Variants in DOCK10 observed in about 807,000 individuals in gnomAD.
DOCK10 encodes dedicator of cytokinesis 10, also known as dedicator of cytokinesis protein 10.
A neutral mutation model predicts 280.1 loss-of-function variants in DOCK10; 145 were observed. The observed-to-expected ratio is 0.52, with a 90% confidence interval of 0.45 to 0.59. The LOEUF (loss-of-function observed/expected upper bound fraction) is 0.59, where lower values mean the gene tolerates loss of function less well. DOCK10 is among the 20% of genes least tolerant of loss of function. DOCK10 has a pLI of 0.00. For missense variants in DOCK10, 2,368 were observed against 2,651.7 expected (o/e 0.89, Z 2.35); for synonymous variants, 915 against 942.2 (o/e 0.97, Z 0.53).
chr2:225,027,209 G>A (rs1689943298), intron 1 of DOCK10, among the ~76,000 whole-genome samples: 3 of 152,092 alleles, frequency 2.0e-5, no homozygotes, highest in Admixed American at 2.0e-4. Context: ...CACAGACCTC[G>A]CCTGCACACC....
chr2:224,797,829 T>C lies in DOCK10; in HGVS notation c.4644+3A>G, dbSNP rs879496694. On this transcript the variant is annotated splice_donor_region_variant and intron_variant, in intron 42 of 55. Coordinates refer to ENST00000258390, the MANE Select transcript of DOCK10 (RefSeq NM_014689.3). The stretch of plus-strand genomic sequence containing the variant: ...AACTTCATTGAAACCTGGAGATCCT[T>C]ACCTTGCATACAAACAGTCTCAAGG... 1.9e-6 allele frequency: 3 copies of C among 1,612,606 alleles called. No individual in the cohort carries two copies. The highest frequency in any genetic ancestry group is 2.5e-6 in the Non-Finnish European group (3 of 1,179,184).
In DOCK10 at chr2:224,971,632, T is replaced by C. The variant is rs188054567; in HGVS notation, c.124-39964A>G. Among the ~76,000 whole-genome samples, 6 of 152,322 alleles carry C rather than the reference T, an allele frequency of 3.9e-5. No homozygotes were observed. The South Asian group carries it at 1.2e-3, about 32-fold the overall frequency. ...GTGACAAAGAAACTAAATCTTTAATTTTACTTAATTTTATTTAACTTTGAT... is the reference window on the plus strand; with the variant it reads ...GTGACAAAGAAACTAAATCTTTAATCTTACTTAATTTTATTTAACTTTGAT... On this transcript the variant is annotated intron_variant, in intron 1 of 55. Coordinates refer to ENST00000258390, the MANE Select transcript of DOCK10 (RefSeq NM_014689.3).
intron 50 of DOCK10, among the ~76,000 whole-genome samples, chr2:224,780,986 A>G (rs899308299): frequency 3.9e-5 from 6 of 152,102 alleles, no homozygotes; most frequent in African/African-American, 1.4e-4. Flanking sequence ...GGGAAAATTC[A>G]GACTCAGCAA....
At chr2:224,991,133 G>A (rs1008691010) in intron 1 of DOCK10, among the ~76,000 whole-genome samples, 1 of 152,186 alleles carries the variant, frequency 6.6e-6, no homozygotes, top group Admixed American at 6.5e-5. Flanking sequence ...TTCTTCAAGG[G>A]GTTGTGGTGG....
At chr2:224,799,056 T>G (rs1193175627) in intron 41 of DOCK10, among the ~76,000 whole-genome samples, 3 of 152,198 alleles carry the variant, frequency 2.0e-5, no homozygotes, top group Non-Finnish European at 4.4e-5. Context: ...TATGTATAAT[T>G]TAATAAGTTT....
At chr2:224,921,112 A>AATATATATATATATATATATATATATAT (rs1201609470) in intron 2 of DOCK10, among the ~76,000 whole-genome samples, 3 of 54,376 alleles carry the variant, frequency 5.5e-5, no homozygotes, top group Middle Eastern at 9.6e-3. Context: ...AAAAAAAAAA[A>AATATATATATATATATATATATATATAT]ATATATATAT....
chr2:225,040,507 G>A (rs1690389004), intron 1 of DOCK10, among the ~76,000 whole-genome samples: 1 of 112,878 alleles, frequency 8.9e-6, no homozygotes, highest in Admixed American at 9.1e-5. Context: ...TTTGGAGAAA[G>A]CAGTGCGTGT....
At chr2:224,931,776 A>G in intron 1 of DOCK10, 108 bp from the exon 2 acceptor site, 2 of 1,205,180 alleles carry the variant, frequency 1.7e-6, no homozygotes, top group African/African-American at 1.5e-5. Context: ...AACACTGCAC[A>G]ATCCTTCCAA....
intron 1 of DOCK10, among the ~76,000 whole-genome samples, chr2:224,953,303 T>A (rs1269439677): frequency 6.6e-6 from 1 of 152,262 alleles, no homozygotes. Flanking sequence ...TTTTATTTTT[T>A]TCTCTTCCAT....
intron 1 of DOCK10, among the ~76,000 whole-genome samples, chr2:224,961,458 C>CTT (rs1190548768): frequency 1.5e-5 from 2 of 129,614 alleles, no homozygotes; most frequent in Non-Finnish European, 3.3e-5. Context: ...TTCTTTCTTT[C>CTT]TTTCTTTCTT....
At chr2:225,041,859 CAG>C (rs1559995032) in intron 1 of DOCK10, among the ~76,000 whole-genome samples, 3 of 152,290 alleles carry the variant, frequency 2.0e-5, no homozygotes, top group East Asian at 3.9e-4. Context: ...CCTCCGGACT[CAG>C]GGGTTCTGTT....
At chr2:224,997,152 T>C (rs386549) in intron 1 of DOCK10, among the ~76,000 whole-genome samples, 125,161 of 151,886 alleles carry the variant, frequency 0.82, 51,745 homozygotes, top group Middle Eastern at 0.91. Flanking sequence ...ATAATCTGCT[T>C]CCCACCAAAT....
At chr2:224,769,012 G>A (rs1188691944) in intron 55 of DOCK10, 1 of 438,912 alleles carries the variant, frequency 2.3e-6, no homozygotes, top group South Asian at 1.6e-5. Context: ...ATTTACAGTT[G>A]GAGACAAGCA....
At chr2:224,993,202 G>GTTTTTTTTT (rs112976099) in intron 1 of DOCK10, among the ~76,000 whole-genome samples, 22 of 136,230 alleles carry the variant, frequency 1.6e-4, no homozygotes, top group Non-Finnish European at 2.2e-4. Flanking sequence ...TTCTTTGGAA[G>GTTTTTTTTT]TTTTTTTTTT....
intron 1 of DOCK10, among the ~76,000 whole-genome samples, chr2:224,988,647 A>T (rs1485653954): frequency 1.3e-5 from 2 of 152,210 alleles, no homozygotes; most frequent in Non-Finnish European, 2.9e-5. Context: ...ATTCCCTTTG[A>T]GAGCTGGTCT....
Position 224,770,172 on chromosome 2 carries a change from C to T in DOCK10, c.6444+39G>A. ...TGGCATTGGGAGCGAAAGGGACTTT[C>T]TGTCCACTGATAGCGCGTGTGCACC... On this transcript the variant is annotated intron_variant, in intron 55 of 55. Transcript: ENST00000258390. The surrounding 1 kb of genome is among the most constrained non-coding windows in gnomAD (Gnocchi z 4.5). The T allele has an allele frequency of 2.0e-6, 3 of 1,468,032 alleles. No homozygotes were observed. The highest frequency in any genetic ancestry group is 3.0e-5 in the South Asian group (2 of 67,254). 90.9% of individuals were successfully genotyped at this position (1,468,032 alleles called of 1,614,324 possible).
At chr2:224,834,918 A>G (rs1268552980) in intron 25 of DOCK10, among the ~76,000 whole-genome samples, 2 of 152,250 alleles carry the variant, frequency 1.3e-5, no homozygotes, top group Non-Finnish European at 2.9e-5. Flanking sequence ...GTTCAAATAT[A>G]AAATGCTTAT....
At chr2:224,896,902 A>G (rs1451606837) in intron 3 of DOCK10, among the ~76,000 whole-genome samples, 1 of 152,110 alleles carries the variant, frequency 6.6e-6, no homozygotes, top group Non-Finnish European at 1.5e-5. Context: ...CCATTCTTCC[A>G]TTAAATAGGG....
At chr2:224,797,752 G>A (rs988973559) in intron 42 of DOCK10, 80 bp downstream of exon 42, 17 of 1,464,770 alleles carry the variant, frequency 1.2e-5, no homozygotes, top group African/African-American at 2.9e-5. Context: ...ACTGAGAAAC[G>A]CAAGGATTCC....
Sources: allele counts gnomAD v4.1 joint callset (sites outside exome capture counted in the v4.1 genomes callset), GRCh38; gene constraint gnomAD v4.1.1; non-coding constraint Gnocchi (gnomAD v3.1); transcripts MANE v1.5; gene names NCBI Gene and HGNC (gene_info 2026-07-23, HGNC 2026-07-21).